The following PXDN variants were observed in gnomAD, a reference collection of about 807,000 sequenced individuals.
PXDN encodes the protein peroxidasin.
In PXDN, 77 loss-of-function variants were observed where a neutral mutation model predicts 140.3. The ratio of observed to expected loss-of-function variants is 0.55; its 90% confidence interval spans 0.46 to 0.66. The LOEUF is 0.66. Ranked by LOEUF, PXDN falls within the 30% of genes least tolerant of loss-of-function variation. PXDN has a pLI of 0.00. For synonymous variants in PXDN, 911 were observed against 857.4 expected (o/e 1.06, Z -1.09); for missense variants, 1,838 against 2,039.5 (o/e 0.90, Z 1.90).
At chr2:1,737,359 C>T (rs1393393375) in intron 1 of PXDN, among the ~76,000 whole-genome samples, 2 of 152,090 alleles carry the variant, frequency 1.3e-5, no homozygotes, top group South Asian at 2.1e-4. Context: ...CTCGTATCTA[C>T]GCCAGGATAA....
intron 17 of PXDN, among the ~76,000 whole-genome samples, chr2:1,646,534 C>A (rs1160004945): frequency 6.6e-6 from 1 of 152,108 alleles, no homozygotes; most frequent in Non-Finnish European, 1.5e-5. Flanking sequence ...CTTCCAAATG[C>A]CAGTAATTTA....
At chr2:1,672,499 T>G (rs1270863107) in intron 9 of PXDN, among the ~76,000 whole-genome samples, 1 of 152,250 alleles carries the variant, frequency 6.6e-6, no homozygotes, top group Non-Finnish European at 1.5e-5. Context: ...GCAGCGGCTG[T>G]GTCTTAACTT....
At chr2:1,662,284 T>G in intron 12 of PXDN, 100 bp from the exon 13 acceptor site, 1 of 999,144 alleles carries the variant, frequency 1.0e-6, no homozygotes, top group South Asian at 1.4e-5. Context: ...CACTCAGGGA[T>G]GCTGGGAGCT....
chr2:1,643,470 C>A lies in PXDN; in HGVS notation c.3850G>T (p.Val1284Leu), dbSNP rs147066927. ...GCCACCCTGAACACGTCGCTCTGCA[C>A]CCGGGTGATGTTGTCCGCGTTGTCG... is the stretch of plus-strand genomic sequence containing the variant. ...LCDNADNITR[V>L]QSDVFRVAEF... Residue 1284 changes from valine (V) to leucine (L), a missense_variant, in exon 19 of 23, where the codon GTG becomes TTG. By Grantham distance (32) the Val-to-Leu change is conservative. Coordinates refer to ENST00000252804, the MANE Select transcript of PXDN (RefSeq NM_012293.3). The A allele has an allele frequency of 7.8e-3, 12,533 of 1,613,996 alleles. 186 individuals are homozygous for A. Among genetic ancestry groups the A allele is most frequent in the Middle Eastern group, 0.056 (340 of 6,062 alleles).
At chr2:1,744,544 C>A, upstream of PXDN, 1 of 1,134,260 alleles carries the variant, frequency 8.8e-7, no homozygotes, top group Non-Finnish European at 1.1e-6. Context: ...CACGTCCCAG[C>A]TGTGCGCGGG....
At chr2:1,656,714 A>G (rs571070118) in intron 14 of PXDN, among the ~76,000 whole-genome samples, 43 of 107,298 alleles carry the variant, frequency 4.0e-4, no homozygotes, top group African/African-American at 1.5e-3. Flanking sequence ...CCCCCACCTG[A>G]CTGAAACCTG....
chr2:1,698,643 T>C (rs931862630), intron 1 of PXDN, among the ~76,000 whole-genome samples: 1 of 152,170 alleles, frequency 6.6e-6, no homozygotes, highest in Admixed American at 6.5e-5. Flanking sequence ...CCAGGGCTCT[T>C]TTCTCAGCAT....
At chr2:1,676,333 G>C (rs114945301) in intron 8 of PXDN, 2 of 153,290 alleles carry the variant, frequency 1.3e-5, no homozygotes, top group Admixed American at 1.3e-4. Context: ...ACTTCCCTCC[G>C]TCACCCTGAC....
intron 9 of PXDN, 93 bp from the exon 10 acceptor site, chr2:1,666,579 T>A: frequency 7.1e-7 from 1 of 1,406,736 alleles, no homozygotes; most frequent in Non-Finnish European, 9.5e-7. Flanking sequence ...TAATTCTATT[T>A]ACCACCGAAA....
Position 1,643,582 on chromosome 2 carries a change from T to C in PXDN, c.3744-6A>G, listed in dbSNP as rs1385946018. The C allele has an allele frequency of 1.2e-6, 2 of 1,612,996 alleles. No individual in the cohort carries two copies. Among genetic ancestry groups the C allele is most frequent in the Non-Finnish European group, 8.5e-7 (1 of 1,179,490 alleles). The stretch of plus-strand genomic sequence containing the variant: ...CAGGGTTCTCATACCACAACCTGGA[T>C]CCCCCAAAATGAAAGCAGGATCAGA... On this transcript the variant is annotated splice_polypyrimidine_tract_variant and splice_region_variant and intron_variant, in intron 18 of 22. Coordinates refer to ENST00000252804, the MANE Select transcript of PXDN (RefSeq NM_012293.3).
At chr2:1,673,442 G>A (rs1424190538) in intron 9 of PXDN, among the ~76,000 whole-genome samples, 18 of 152,086 alleles carry the variant, frequency 1.2e-4, no homozygotes, top group Admixed American at 1.1e-3. Context: ...CCAGATGAGG[G>A]GCTAACTGGG....
At chr2:1,679,713 T>C (rs1683830232) in intron 7 of PXDN, among the ~76,000 whole-genome samples, 1 of 150,504 alleles carries the variant, frequency 6.6e-6, no homozygotes, top group Non-Finnish European at 1.5e-5. Flanking sequence ...TGTGTGTCTA[T>C]AAATGCTGTG....
intron 1 of PXDN, among the ~76,000 whole-genome samples, chr2:1,713,769 G>A (rs114101925): frequency 0.018 from 2,764 of 152,384 alleles, 62 homozygotes; most frequent in African/African-American, 0.044. Context: ...TGAGAGGTAA[G>A]AGGTGGGCAG....
Position 1,632,782 on chromosome 2 carries a change from C to G in PXDN, c.*1422G>C, listed in dbSNP as rs1456894068. On this transcript the variant is annotated 3_prime_UTR_variant, in exon 23 of 23. Transcript: ENST00000252804. The surrounding 1 kb of genome is among the most constrained non-coding windows in gnomAD (Gnocchi z 4.3). Reference sequence around the variant, plus strand: ...TACCCCAGTGCTGGACACCTGCCACCCTGAACCGAAACGGCCCCTGACCTC... The same window carrying G: ...TACCCCAGTGCTGGACACCTGCCACGCTGAACCGAAACGGCCCCTGACCTC... 6.6e-6 allele frequency: 1 copy of G among 152,290 alleles called. No individual in the cohort carries two copies. Among genetic ancestry groups the G allele is most frequent in the African/African-American group, 2.4e-5 (1 of 41,448 alleles). 9.4% of individuals were successfully genotyped at this position (152,290 alleles called of 1,614,324 possible).
intron 1 of PXDN, among the ~76,000 whole-genome samples, chr2:1,725,183 GCTA>G (rs1685147968): frequency 6.6e-6 from 1 of 152,136 alleles, no homozygotes; most frequent in South Asian, 2.1e-4. Context: ...TTAAAGAAAT[GCTA>G]CTGACTTTTG....
chr2:1,673,634 G>C lies in PXDN; in HGVS notation c.1018+9C>G. ...GATGGAACCCCGGTGTGAAATGCCCGCCACATACCTGGAGACCCGAAGTAC... is the reference window on the plus strand; with the variant it reads ...GATGGAACCCCGGTGTGAAATGCCCCCCACATACCTGGAGACCCGAAGTAC... On this transcript the variant is annotated intron_variant, in intron 9 of 22. Transcript: ENST00000252804. 6.3e-7 allele frequency: 1 copy of C among 1,598,482 alleles called. No individual in the cohort carries two copies. Among genetic ancestry groups the C allele is most frequent in the Non-Finnish European group, 8.6e-7 (1 of 1,168,526 alleles).
At chr2:1,684,031 G>A (rs1364445723) in intron 5 of PXDN, 49 bp downstream of exon 5, 1 of 1,487,996 alleles carries the variant, frequency 6.7e-7, no homozygotes, top group Middle Eastern at 1.7e-4. Flanking sequence ...GCCAGTGACT[G>A]AGGCTTGGGC....
chr2:1,694,811 C>T (rs532766079), intron 1 of PXDN, among the ~76,000 whole-genome samples: 1 of 152,244 alleles, frequency 6.6e-6, no homozygotes, highest in East Asian at 1.9e-4. Flanking sequence ...CCCACTCACT[C>T]CATACGGAAG....
chr2:1,639,495 A>C lies in PXDN; in HGVS notation c.3953-73T>G. 1 of 1,600,240 alleles carries C rather than the reference A, an allele frequency of 6.2e-7. No individual in the cohort carries two copies. Among genetic ancestry groups the C allele is most frequent in the Non-Finnish European group, 8.5e-7 (1 of 1,170,804 alleles). Reference sequence around the variant, plus strand: ...TCGGGGAAATTAAGCACATCCTGCCAACTATGAAGTCTTCACTGGCTGCCC... The same window carrying C: ...TCGGGGAAATTAAGCACATCCTGCCCACTATGAAGTCTTCACTGGCTGCCC... On this transcript the variant is annotated intron_variant, in intron 19 of 22. Coordinates refer to ENST00000252804, the MANE Select transcript of PXDN (RefSeq NM_012293.3). This position sits in a 1 kb window ranked among gnomAD's most constrained non-coding sequence, Gnocchi z 5.0.
Sources: allele counts gnomAD v4.1 joint callset (sites outside exome capture counted in the v4.1 genomes callset), GRCh38; gene constraint gnomAD v4.1.1; non-coding constraint Gnocchi (gnomAD v3.1); transcripts MANE v1.5; gene names NCBI Gene and HGNC (gene_info 2026-07-23, HGNC 2026-07-21).